The following RREB1 variants were observed in gnomAD, a reference collection of about 807,000 sequenced individuals.
RREB1 encodes ras responsive element binding protein 1, also known as ras-responsive element-binding protein 1.
RREB1 carries 27 observed loss-of-function variants against 117.8 expected under a neutral mutation model. That is an observed-to-expected ratio of 0.23 (90% CI 0.17 to 0.32). RREB1 has a LOEUF of 0.32. Ranked by LOEUF, RREB1 falls within the 10% of genes least tolerant of loss-of-function variation. The pLI is 1.00. For synonymous variants in RREB1, 1,298 were observed against 1,026.7 expected, an observed-to-expected ratio of 1.26 and a Z score of -5.05; for missense variants, 2,577 against 2,378.2, an observed-to-expected ratio of 1.08 and a Z score of -1.74.
intron 6 of RREB1, among the ~76,000 whole-genome samples, chr6:7,190,102 T>G (rs1297023423): frequency 6.6e-6 from 1 of 152,226 alleles, no homozygotes; most frequent in Non-Finnish European, 1.5e-5. Flanking sequence ...ATATAAACAC[T>G]AAAATGAGTT....
At chr6:7,136,336 A>G (rs1280902914) in intron 1 of RREB1, among the ~76,000 whole-genome samples, 12 of 152,218 alleles carry the variant, frequency 7.9e-5, no homozygotes, top group Admixed American at 7.9e-4. Flanking sequence ...GTTTTGAAGA[A>G]TTGTTTAATT....
intron 8 of RREB1, chr6:7,217,873 T>TG (rs764285628): frequency 5.9e-5 from 9 of 152,234 alleles, no homozygotes; most frequent in Non-Finnish European, 1.3e-4. Context: ...GGAGTCAACT[T>TG]CCAGGTGCGA....
At chr6:7,125,458 C>T (rs1761866254) in intron 1 of RREB1, among the ~76,000 whole-genome samples, 1 of 152,294 alleles carries the variant, frequency 6.6e-6, no homozygotes, top group East Asian at 1.9e-4. Flanking sequence ...GGGGGCCTCT[C>T]CTGTCTCTTG....
chr6:7,188,222 C>A (rs990613476), intron 5 of RREB1, among the ~76,000 whole-genome samples: 4 of 91,552 alleles, frequency 4.4e-5, no homozygotes, highest in East Asian at 3.2e-4. Flanking sequence ...CGCTCCCCCC[C>A]ACACGTGTGT....
At chr6:7,131,728 G>T (rs1208362663) in intron 1 of RREB1, among the ~76,000 whole-genome samples, 3 of 152,128 alleles carry the variant, frequency 2.0e-5, no homozygotes, top group Non-Finnish European at 4.4e-5. Flanking sequence ...CTCCCAAAGT[G>T]GTAGGATTAC....
chr6:7,197,987 T>C (rs1352211440), intron 6 of RREB1, among the ~76,000 whole-genome samples: 2 of 152,208 alleles, frequency 1.3e-5, no homozygotes, highest in African/African-American at 4.8e-5. Flanking sequence ...GTTGGGTATC[T>C]GGAACAGGTG....
Position 7,140,497 on chromosome 6 carries a change from G to A in RREB1, c.-285+32437G>A, listed in dbSNP as rs147907011. On this transcript the variant is annotated intron_variant, in intron 1 of 12. Coordinates refer to ENST00000379938, the MANE Select transcript of RREB1 (RefSeq NM_001003699.4). ...TCTGAAACACAGATATAGAATAAAC[G>A]TGTTTTGGATATCATGTAATGTTCC... 2.6e-5 allele frequency among the ~76,000 whole-genome samples: 4 copies of A among 152,320 alleles called. No homozygotes were observed. The East Asian group carries it at 5.8e-4, about 22-fold the overall frequency.
Position 7,153,429 on chromosome 6 carries a change from C to T in RREB1, c.-284-23226C>T, listed in dbSNP as rs549211674. Among the ~76,000 whole-genome samples the T allele has an allele frequency of 5.3e-5, 8 of 152,058 alleles. No individual in the cohort carries two copies. The South Asian group carries it at 1.7e-3, about 32-fold the overall frequency. On this transcript the variant is annotated intron_variant, in intron 1 of 12. Coordinates refer to ENST00000379938, the MANE Select transcript of RREB1 (RefSeq NM_001003699.4). Reference sequence around the variant, plus strand: ...GTAGTGGTATACACACACACACACACACACACACACACACAAATCCTCCAA... The same window carrying T: ...GTAGTGGTATACACACACACACACATACACACACACACACAAATCCTCCAA...
intron 6 of RREB1, among the ~76,000 whole-genome samples, chr6:7,199,184 C>T (rs1049076594): frequency 5.9e-5 from 9 of 152,266 alleles, no homozygotes; most frequent in African/African-American, 1.9e-4. Flanking sequence ...ACTTTTCTGG[C>T]CAGGGCTGAT....
chr6:7,230,793 G>C lies in RREB1; in HGVS notation c.2694G>C (p.Glu898Asp). 1 of 1,614,010 alleles carries C rather than the reference G, an allele frequency of 6.2e-7. No individual in the cohort carries two copies. The highest frequency in any genetic ancestry group is 8.5e-7 in the Non-Finnish European group (1 of 1,179,938). ...PASSFAVDFN[E>D]PLDFSQKGLA... ...GTAGCTTTGCGGTGGACTTCAATGA[G>C]CCCCTGGACTTCTCGCAGAAGGGCC... Residue 898 changes from glutamate (E) to aspartate (D), a missense_variant, in exon 10 of 13, where the codon GAG becomes GAC. Glu to Asp is a conservative substitution (Grantham distance 45). Coordinates refer to ENST00000379938, the MANE Select transcript of RREB1 (RefSeq NM_001003699.4).
At chr6:7,197,872 G>A (rs149567984) in intron 6 of RREB1, among the ~76,000 whole-genome samples, 15 of 152,156 alleles carry the variant, frequency 9.9e-5, no homozygotes, top group Admixed American at 6.5e-5. Context: ...TATTAGCTGC[G>A]CAGAAATGTG....
chr6:7,142,373 C>T (rs960531954), intron 1 of RREB1, among the ~76,000 whole-genome samples: 3 of 152,298 alleles, frequency 2.0e-5, no homozygotes, highest in African/African-American at 2.4e-5. Context: ...CGGGTGCGTC[C>T]CCCCGCAAAG....
intron 1 of RREB1, among the ~76,000 whole-genome samples, chr6:7,176,154 G>A (rs773853498): frequency 3.9e-5 from 6 of 152,140 alleles, no homozygotes; most frequent in Non-Finnish European, 8.8e-5. Context: ...TGAGCTAAAC[G>A]ATCTGCTCAG....
chr6:7,139,292 T>C (rs1333626333), intron 1 of RREB1: 2 of 152,190 alleles, frequency 1.3e-5, no homozygotes, highest in Non-Finnish European at 2.9e-5. Context: ...TGTGTATGTA[T>C]ATGTTTGTAA....
chr6:7,229,798 T>C lies in RREB1; in HGVS notation c.1699T>C (p.Ser567Pro), dbSNP rs1271913235. 3.1e-6 allele frequency: 5 copies of C among 1,610,374 alleles called. No homozygotes were observed. Among genetic ancestry groups the C allele is most frequent in the African/African-American group, 1.3e-5 (1 of 74,838 alleles). ...ASNAHLLQSKSGTQPHAATRL... is the reference protein window; with the variant it reads ...ASNAHLLQSKPGTQPHAATRL... ...CAACGCCCACCTGCTGCAGTCCAAG[T>C]CCGGGACCCAGCCCCACGCGGCCAC... The change falls in exon 10 of 13, where the codon TCC becomes CCC. Residue 567 changes from serine to proline, a missense_variant. Physicochemically the swap from Ser to Pro is moderately conservative, Grantham distance 74. Transcript: ENST00000379938. This position sits in a 1 kb window ranked among gnomAD's most constrained non-coding sequence, Gnocchi z 4.5.
intron 8 of RREB1, among the ~76,000 whole-genome samples, chr6:7,225,868 C>T (rs1382928600): frequency 6.6e-6 from 1 of 152,148 alleles, no homozygotes; most frequent in African/African-American, 2.4e-5. Context: ...GCTGAGCTGT[C>T]AGGGCGCCTG....
At position 7,246,968 on chromosome 6, in the gene RREB1, G is replaced by C. The variant is rs201989850; in HGVS notation, c.4518G>C (p.Glu1506Asp). The change falls in exon 12 of 13, where the codon GAG becomes GAC. Residue 1506 changes from glutamate (E) to aspartate (D), a missense_variant. By Grantham distance (45) the Glu-to-Asp change is conservative (BLOSUM62 2). Transcript: ENST00000379938. ...AGAAGCCCCCCGAGACCCCGGCAGA[G>C]GTGGTGGAGTCGGCCCCGGGTGCCG... is the stretch of plus-strand genomic sequence containing the variant. Reference protein sequence around the residue: ...QEEKPPETPAEVVESAPGAGE... With the variant: ...QEEKPPETPADVVESAPGAGE... 9.0e-5 allele frequency: 142 copies of C among 1,577,236 alleles called. No homozygotes were observed. The African/African-American group carries it at 1.4e-3, about 15-fold the overall frequency.
chr6:7,228,495 CTTTTTTTTT>C lies in RREB1; in HGVS notation c.898-484_898-476del, dbSNP rs568193582. On this transcript the variant is annotated intron_variant, in intron 9 of 12. Coordinates refer to ENST00000379938, the MANE Select transcript of RREB1 (RefSeq NM_001003699.4). ...GTGTTAGCAAGCAGGAGAAGGTCAA[CTTTTTTTTT>C]TTTTTTTTTTTTTTTTTAAGGCAGA... Among the ~76,000 whole-genome samples, 11 of 91,206 alleles carry C rather than the reference CTTTTTTTTT, an allele frequency of 1.2e-4. No homozygotes were observed. In the East Asian group the frequency reaches 1.5e-3, roughly 12 times the overall value. The allele number at this position is 91,206 out of a possible 152,430, so 59.8% of individuals were successfully genotyped here. A position where few individuals can be genotyped will look rare whatever the true frequency, so the allele number is the denominator to read the frequency against.
rs759196452 is a variant in RREB1 at position 7,248,499 on chromosome 6, C to T, written c.4772-12C>T. ...TTTTGGTTAATGGAAATTCTTTCTT[C>T]CATTGTTCCAGGGGAAAGGCCATAC... On this transcript the variant is annotated splice_polypyrimidine_tract_variant and intron_variant, in intron 12 of 12. Transcript: ENST00000379938. 3.1e-6 allele frequency: 5 copies of T among 1,611,648 alleles called. No homozygotes were observed. The highest frequency in any genetic ancestry group is 4.2e-6 in the Non-Finnish European group (5 of 1,178,000).
Sources: gnomAD v4.1 joint callset for allele counts (sites outside exome capture counted in the v4.1 genomes callset) on GRCh38, gnomAD v4.1.1 for gene constraint, Gnocchi (gnomAD v3.1) non-coding constraint, MANE v1.5 for transcripts, NCBI Gene and HGNC (gene_info 2026-07-23, HGNC 2026-07-21) for gene names.